ASIC2: variants seen among roughly 807,000 people sequenced by gnomAD.
The protein encoded by ASIC2 is acid-sensing ion channel 2.
Under a neutral mutation model 57.3 loss-of-function variants are expected in ASIC2, and 25 were observed. That is an observed-to-expected ratio of 0.44 (90% CI 0.32 to 0.61). The LOEUF (loss-of-function observed/expected upper bound fraction) is 0.61, where lower values mean the gene tolerates loss of function less well. ASIC2 is among the 20% of genes least tolerant of loss of function. The pLI is 0.06. For synonymous variants in ASIC2, 319 were observed against 307.5 expected, an observed-to-expected ratio of 1.04 and a Z score of -0.39; for missense variants, 641 against 738.1, an observed-to-expected ratio of 0.87 and a Z score of 1.52.
At chr17:33,066,661 G>A (rs182868886) in intron 3 of ASIC2, among the ~76,000 whole-genome samples, 8 of 152,272 alleles carry the variant, frequency 5.3e-5, no homozygotes, top group African/African-American at 1.9e-4. Context: ...ACTTTACCAA[G>A]GCCACACAAC....
At chr17:33,932,741 A>AAAAAAT (rs1555572867) in intron 1 of ASIC2, 1 of 58,716 alleles carries the variant, frequency 1.7e-5, no homozygotes, top group African/African-American at 6.8e-5. Flanking sequence ...AAAAAAAAAA[A>AAAAAAT]ATATATATAT....
intron 1 of ASIC2, among the ~76,000 whole-genome samples, chr17:33,631,938 T>C (rs143592665): frequency 3.3e-5 from 5 of 152,284 alleles, no homozygotes; most frequent in Non-Finnish European, 7.3e-5. Flanking sequence ...ATTCTCTGAT[T>C]CAAGAATGGG....
At chr17:33,640,785 G>A (rs949867212) in intron 1 of ASIC2, among the ~76,000 whole-genome samples, 8 of 152,140 alleles carry the variant, frequency 5.3e-5, no homozygotes, top group African/African-American at 1.7e-4. Flanking sequence ...AGAGTCCCTC[G>A]TAGGTATTGC....
At chr17:33,956,363 A>T (rs1296805186) in intron 1 of ASIC2, among the ~76,000 whole-genome samples, 2 of 152,154 alleles carry the variant, frequency 1.3e-5, no homozygotes, top group Non-Finnish European at 2.9e-5. Flanking sequence ...GTTCTTTCAT[A>T]TTTGTGAGGG....
intron 3 of ASIC2, among the ~76,000 whole-genome samples, chr17:33,046,162 AC>A (rs1481937436): frequency 6.6e-6 from 1 of 152,200 alleles, no homozygotes; most frequent in Non-Finnish European, 1.5e-5. Flanking sequence ...TACACATATG[AC>A]ATTTACATGG....
intron 1 of ASIC2, among the ~76,000 whole-genome samples, chr17:34,124,761 A>G (rs1388589317): frequency 6.6e-6 from 1 of 151,990 alleles, no homozygotes; most frequent in East Asian, 1.9e-4. Context: ...TCATGGAGAG[A>G]GAGATCTCTA....
chr17:33,725,468 C>T (rs1041112466), intron 1 of ASIC2, among the ~76,000 whole-genome samples: 1 of 151,972 alleles, frequency 6.6e-6, no homozygotes, highest in Non-Finnish European at 1.5e-5. Context: ...CCTGATTGTC[C>T]GTCCCAGCTC....
At chr17:33,518,945 C>T (rs1409188176) in intron 1 of ASIC2, among the ~76,000 whole-genome samples, 3 of 151,904 alleles carry the variant, frequency 2.0e-5, no homozygotes, top group Non-Finnish European at 2.9e-5. Context: ...CTCAGCCTCC[C>T]GAGTAGCTGG....
At chr17:33,590,106 G>A (rs1002225025) in intron 1 of ASIC2, among the ~76,000 whole-genome samples, 22 of 152,090 alleles carry the variant, frequency 1.4e-4, no homozygotes, top group African/African-American at 5.3e-4. Context: ...CTAGAAGTGC[G>A]ACTCTGGGTT....
rs185745018 is a variant in ASIC2 at position 33,871,759 on chromosome 17, A to T, written c.555+284219T>A. On this transcript the variant is annotated intron_variant, in intron 1 of 9. Coordinates refer to the ASIC2 transcript ENST00000359872. Reference sequence around the variant, plus strand: ...GCTACCGGAAAGAGGGAGGCTGATGAATTATGTATGGCTGGAGGTGATAGT... The same window carrying T: ...GCTACCGGAAAGAGGGAGGCTGATGTATTATGTATGGCTGGAGGTGATAGT... Among the ~76,000 whole-genome samples, 226 of 152,224 alleles carry T rather than the reference A, an allele frequency of 1.5e-3. 1 individual carries two copies. The highest frequency in any genetic ancestry group is 5.3e-3 in the African/African-American group (222 of 41,534).
chr17:33,683,541 T>C (rs1381760789), intron 1 of ASIC2, among the ~76,000 whole-genome samples: 1 of 152,190 alleles, frequency 6.6e-6, no homozygotes, highest in East Asian at 1.9e-4. Context: ...CCAGATAGTT[T>C]TTTTTTAAAA....
chr17:33,077,532 T>A (rs1047861835), intron 3 of ASIC2, among the ~76,000 whole-genome samples: 2 of 152,154 alleles, frequency 1.3e-5, no homozygotes, highest in Admixed American at 1.3e-4. Context: ...ACATTTTAAT[T>A]ACTCAAAGAG....
rs182105060 is a variant in ASIC2 at position 33,862,464 on chromosome 17, A to T, written c.555+293514T>A. 9.2e-5 allele frequency among the ~76,000 whole-genome samples: 14 copies of T among 152,348 alleles called. No homozygotes were observed. In the East Asian group the frequency reaches 2.7e-3, roughly 29 times the overall value. ...TATTTATAGGGTATAGATGTGATAC[A>T]TGTATACCACATGCAATGATCAAAT... is the stretch of plus-strand genomic sequence containing the variant. On this transcript the variant is annotated intron_variant, in intron 1 of 9. Coordinates refer to the ASIC2 transcript ENST00000359872.
chr17:33,167,747 T>C (rs771597920), intron 1 of ASIC2, among the ~76,000 whole-genome samples: 2 of 152,202 alleles, frequency 1.3e-5, no homozygotes, highest in Non-Finnish European at 2.9e-5. Context: ...TTCCCAAACA[T>C]GGACTATCTA....
chr17:33,422,472 A>G (rs140606490), intron 1 of ASIC2, among the ~76,000 whole-genome samples: 1 of 152,252 alleles, frequency 6.6e-6, no homozygotes, highest in East Asian at 1.9e-4. Flanking sequence ...CCCCTAAGGG[A>G]ACTTGAGTGA....
intron 1 of ASIC2, among the ~76,000 whole-genome samples, chr17:33,776,132 CAAAAAAAAAAA>C: frequency 7.8e-6 from 1 of 127,492 alleles, no homozygotes; most frequent in East Asian, 2.6e-4. Context: ...GACTCTGTCT[CAAAAAAAAAAA>C]AAAAAAAAAA....
intron 1 of ASIC2, chr17:34,038,995 C>A (rs917478610): frequency 1.6e-5 from 26 of 1,613,980 alleles, no homozygotes; most frequent in Non-Finnish European, 1.8e-5. Context: ...CAGTCTCAAG[C>A]GGTCTTGCAT....
At chr17:33,149,362 C>A (rs145000168) in intron 1 of ASIC2, among the ~76,000 whole-genome samples, 12 of 152,208 alleles carry the variant, frequency 7.9e-5, no homozygotes, top group African/African-American at 2.6e-4. Flanking sequence ...TTTTCCTATG[C>A]CCCTGAATAG....
At chr17:33,828,753 C>T (rs1276463109) in intron 1 of ASIC2, among the ~76,000 whole-genome samples, 2 of 152,078 alleles carry the variant, frequency 1.3e-5, no homozygotes, top group Non-Finnish European at 2.9e-5. Flanking sequence ...TTTCATTGCC[C>T]ACGCCCATAA....
Sources: allele counts gnomAD v4.1 joint callset (sites outside exome capture counted in the v4.1 genomes callset), GRCh38; gene constraint gnomAD v4.1.1; transcripts MANE v1.5; gene names NCBI Gene and HGNC (gene_info 2026-07-23, HGNC 2026-07-21).